The following GRID2 variants were observed in gnomAD, a reference collection of about 807,000 sequenced individuals.
GRID2 encodes the protein glutamate receptor ionotropic, delta-2.
Under a neutral mutation model 114.8 loss-of-function variants are expected in GRID2, and 33 were observed. The observed-to-expected ratio is 0.29, with a 90% CI of 0.22 to 0.38. GRID2 has a LOEUF of 0.38. GRID2 is among the 10% of genes least tolerant of loss of function. GRID2 has a pLI of 1.00. For missense variants in GRID2, 1,184 were observed against 1,257.7 expected (o/e 0.94, Z 0.89); for synonymous variants, 505 against 449.9 (o/e 1.12, Z -1.55).
intron 12 of GRID2, among the ~76,000 whole-genome samples, chr4:93,514,832 AC>A (rs1358151388): frequency 1.3e-5 from 2 of 152,334 alleles, no homozygotes; most frequent in East Asian, 1.9e-4. Flanking sequence ...GGAATGTAGA[AC>A]TAATGCTGAT....
chr4:92,990,498 C>T lies in GRID2; in HGVS notation c.245-94497C>T, dbSNP rs536750716. On this transcript the variant is annotated intron_variant, in intron 2 of 15. Coordinates refer to ENST00000282020, the MANE Select transcript of GRID2 (RefSeq NM_001510.4). ...CTAATTTTTGTATTTTTAGTAGAGACGGTGCGGGGATTCATCACGTTAGCC... is the reference window on the plus strand; with the variant it reads ...CTAATTTTTGTATTTTTAGTAGAGATGGTGCGGGGATTCATCACGTTAGCC... Among the ~76,000 whole-genome samples, 154 of 151,520 alleles carry T rather than the reference C, an allele frequency of 1.0e-3. 1 individual carries two copies. The highest frequency in any genetic ancestry group is 3.4e-3 in the Middle Eastern group (1 of 294).
intron 10 of GRID2, among the ~76,000 whole-genome samples, chr4:93,447,776 G>A (rs554891631): frequency 3.3e-5 from 5 of 151,950 alleles, no homozygotes; most frequent in African/African-American, 1.2e-4. Flanking sequence ...ATTCTGAAGA[G>A]CTAGAGTAAT....
chr4:93,746,920 TCA>T (rs1731890169), intron 14 of GRID2, among the ~76,000 whole-genome samples: 2 of 152,124 alleles, frequency 1.3e-5, no homozygotes, highest in Admixed American at 6.5e-5. Flanking sequence ...TTGGCAAATG[TCA>T]CAGATTTTTT....
intron 7 of GRID2, among the ~76,000 whole-genome samples, chr4:93,237,000 A>T (rs925341356): frequency 6.6e-6 from 1 of 151,974 alleles, no homozygotes; most frequent in Non-Finnish European, 1.5e-5. Context: ...CATGTATTAT[A>T]AGAATCAGAA....
At chr4:92,700,231 A>G (rs572506502) in intron 2 of GRID2, among the ~76,000 whole-genome samples, 50 of 152,266 alleles carry the variant, frequency 3.3e-4, no homozygotes, top group Middle Eastern at 3.4e-3. Flanking sequence ...CACAATTTTT[A>G]TACACTCTCC....
chr4:92,415,382 C>T (rs1300839564), intron 1 of GRID2, among the ~76,000 whole-genome samples: 1 of 151,410 alleles, frequency 6.6e-6, no homozygotes, highest in Admixed American at 6.6e-5. Context: ...TGGAAAAGTT[C>T]TTTAGTGGTG....
intron 1 of GRID2, among the ~76,000 whole-genome samples, chr4:92,549,279 G>A (rs1378036049): frequency 6.6e-6 from 1 of 152,112 alleles, no homozygotes; most frequent in African/African-American, 2.4e-5. Flanking sequence ...TGAGGAAACT[G>A]AGGCTCAGTA....
intron 14 of GRID2, among the ~76,000 whole-genome samples, chr4:93,728,738 T>C (rs1233127340): frequency 1.3e-5 from 2 of 152,196 alleles, no homozygotes; most frequent in East Asian, 1.9e-4. Context: ...TACCATTATG[T>C]AATGGCCTTC....
intron 10 of GRID2, among the ~76,000 whole-genome samples, chr4:93,446,043 T>C (rs1010329456): frequency 1.3e-5 from 2 of 152,030 alleles, no homozygotes; most frequent in Admixed American, 1.3e-4. Context: ...CAAAATCCAT[T>C]AATTGTCCTA....
chr4:92,340,649 T>C (rs1047349716), intron 1 of GRID2, among the ~76,000 whole-genome samples: 2 of 152,196 alleles, frequency 1.3e-5, no homozygotes, highest in Non-Finnish European at 2.9e-5. Flanking sequence ...TCTGACCTTC[T>C]CCAAACAGAA....
chr4:93,038,315 T>TA (rs1166719400), intron 2 of GRID2, among the ~76,000 whole-genome samples: 4 of 151,902 alleles, frequency 2.6e-5, no homozygotes, highest in East Asian at 3.9e-4. Flanking sequence ...TTTTGTATTC[T>TA]AAAAAAAACA....
intron 14 of GRID2, among the ~76,000 whole-genome samples, chr4:93,659,305 G>A (rs1183473493): frequency 1.3e-5 from 2 of 152,122 alleles, no homozygotes. Context: ...ACACTTATGG[G>A]TGCATATGGA....
chr4:92,642,725 T>C (rs1318028729), intron 2 of GRID2, among the ~76,000 whole-genome samples: 7 of 151,842 alleles, frequency 4.6e-5, no homozygotes. Context: ...CCAAAAATTC[T>C]TTGTCAAGGC....
At chr4:92,776,378 C>T (rs955092650) in intron 2 of GRID2, among the ~76,000 whole-genome samples, 1 of 151,918 alleles carries the variant, frequency 6.6e-6, no homozygotes, top group Non-Finnish European at 1.5e-5. Context: ...TAATTATTTT[C>T]CTTTGACACA....
chr4:93,027,370 G>A (rs551832828), intron 2 of GRID2, among the ~76,000 whole-genome samples: 53 of 151,922 alleles, frequency 3.5e-4, no homozygotes, highest in African/African-American at 2.7e-4. Flanking sequence ...AAATTGAGGC[G>A]GGACAGTACA....
chr4:93,728,916 C>A (rs573010014), intron 14 of GRID2, among the ~76,000 whole-genome samples: 26 of 152,128 alleles, frequency 1.7e-4, no homozygotes, highest in Non-Finnish European at 3.5e-4. Context: ...ATACAACACA[C>A]TGATGGGTAT....
chr4:93,173,490 C>G (rs1484368541), intron 4 of GRID2, among the ~76,000 whole-genome samples: 1 of 151,916 alleles, frequency 6.6e-6, no homozygotes, highest in Non-Finnish European at 1.5e-5. Flanking sequence ...AAGGCAGAGC[C>G]CATGCTTACT....
intron 1 of GRID2, among the ~76,000 whole-genome samples, chr4:92,465,542 T>A (rs1286934852): frequency 3.6e-4 from 55 of 152,122 alleles, no homozygotes; most frequent in Non-Finnish European, 1.5e-5. Context: ...ACTAGTAGAA[T>A]TGTAGATGAT....
At chr4:93,278,709 A>G (rs1382650214) in intron 8 of GRID2, among the ~76,000 whole-genome samples, 1 of 151,970 alleles carries the variant, frequency 6.6e-6, no homozygotes, top group Non-Finnish European at 1.5e-5. Context: ...AGAGCTTTAC[A>G]GATATAGGAA....
Sources: gnomAD v4.1 joint callset for allele counts (sites outside exome capture counted in the v4.1 genomes callset) on GRCh38, gnomAD v4.1.1 for gene constraint, MANE v1.5 for transcripts, NCBI Gene and HGNC (gene_info 2026-07-23, HGNC 2026-07-21) for gene names.